Variants in RAD51B observed in about 807,000 individuals in gnomAD.
RAD51B encodes the protein RAD51 paralog B.
In RAD51B, 38 loss-of-function variants were observed where a neutral mutation model predicts 42.2. The observed-to-expected ratio is 0.90, with a 90% confidence interval of 0.70 to 1.18. The LOEUF (loss-of-function observed/expected upper bound fraction) is 1.18. Among genes scored for constraint, RAD51B ranks in the 50% most tolerant of loss-of-function variants. The pLI is 0.00. For missense variants in RAD51B, 373 were observed against 400.7 expected (o/e 0.93, Z 0.59); for synonymous variants, 154 against 145.2 (o/e 1.06, Z -0.43).
At chr14:68,137,261 TG>T (rs1457447639) in intron 7 of RAD51B, among the ~76,000 whole-genome samples, 2 of 152,168 alleles carry the variant, frequency 1.3e-5, no homozygotes, top group African/African-American at 4.8e-5. Context: ...GAAGGAAAAC[TG>T]GACCTAAGGA....
At chr14:67,893,479 C>T (rs918279999) in intron 7 of RAD51B, among the ~76,000 whole-genome samples, 1 of 62,312 alleles carries the variant, frequency 1.6e-5, no homozygotes, top group Non-Finnish European at 3.3e-5. Flanking sequence ...CACACACACA[C>T]ACACACACAC....
chr14:67,874,083 TATA>T (rs1247250467), intron 5 of RAD51B, among the ~76,000 whole-genome samples: 1 of 151,568 alleles, frequency 6.6e-6, no homozygotes, highest in Non-Finnish European at 1.5e-5. Context: ...AAACTTAAAG[TATA>T]ATAATAATAA....
chr14:68,140,640 C>T (rs1222036114), intron 7 of RAD51B, among the ~76,000 whole-genome samples: 1 of 152,210 alleles, frequency 6.6e-6, no homozygotes, highest in Non-Finnish European at 1.5e-5. Flanking sequence ...GCCAAATTCA[C>T]GTCACTTTCA....
chr14:68,419,355 G>C (rs1594808638), intron 9 of RAD51B, among the ~76,000 whole-genome samples: 1 of 151,760 alleles, frequency 6.6e-6, no homozygotes, highest in Non-Finnish European at 1.5e-5. Flanking sequence ...TCAAATTATT[G>C]GGTTTGCAGG....
chr14:68,398,875 C>T (rs1001457516), intron 8 of RAD51B, among the ~76,000 whole-genome samples: 3 of 152,150 alleles, frequency 2.0e-5, no homozygotes, highest in Non-Finnish European at 2.9e-5. Flanking sequence ...GCAGGCAAAA[C>T]AGCAAATGCC....
chr14:68,179,686 T>C (rs2079023292), intron 7 of RAD51B, among the ~76,000 whole-genome samples: 1 of 152,320 alleles, frequency 6.6e-6, no homozygotes, highest in Non-Finnish European at 1.5e-5. Flanking sequence ...AGAACATCTC[T>C]AGTAATAACA....
chr14:68,305,996 T>C (rs962984611), intron 8 of RAD51B, among the ~76,000 whole-genome samples: 3 of 152,206 alleles, frequency 2.0e-5, no homozygotes, highest in African/African-American at 7.2e-5. Context: ...CACATCCTAG[T>C]GGAAGGGCCG....
At chr14:68,095,448 T>C (rs2077175333) in intron 7 of RAD51B, among the ~76,000 whole-genome samples, 1 of 152,158 alleles carries the variant, frequency 6.6e-6, no homozygotes, top group African/African-American at 2.4e-5. Context: ...TCTTCCTCCA[T>C]GGTATTTATG....
intron 10 of RAD51B, among the ~76,000 whole-genome samples, chr14:68,587,039 T>A (rs1890520688): frequency 1.3e-5 from 2 of 149,400 alleles, no homozygotes; most frequent in African/African-American, 5.1e-5. Context: ...AAAAAAAAAA[T>A]TGGCTCCTTC....
intron 3 of RAD51B, among the ~76,000 whole-genome samples, chr14:67,832,331 C>T (rs1005125011): frequency 6.6e-6 from 1 of 152,124 alleles, no homozygotes; most frequent in African/African-American, 2.4e-5. Flanking sequence ...GTGAAAAAAG[C>T]AGGCTACAAA....
chr14:68,087,864 ATAATATATTATT>A (rs2077011213), intron 7 of RAD51B, among the ~76,000 whole-genome samples: 2 of 79,410 alleles, frequency 2.5e-5, no homozygotes, highest in African/African-American at 7.7e-5. Context: ...ATATAATTAT[ATAATATATTATT>A]TATATAATTA....
intron 8 of RAD51B, among the ~76,000 whole-genome samples, chr14:68,369,025 C>A (rs77946958): frequency 0.013 from 1,945 of 152,112 alleles, 44 homozygotes; most frequent in African/African-American, 0.045. Context: ...ATAGCAACCA[C>A]AAAAAAACTA....
chr14:68,603,271 G>A (rs548053693), intron 10 of RAD51B, among the ~76,000 whole-genome samples: 15 of 152,090 alleles, frequency 9.9e-5, no homozygotes, highest in African/African-American at 1.9e-4. Context: ...TTTTTAGGGC[G>A]TCACTTATGA....
chr14:68,343,848 A>G (rs774090508), intron 8 of RAD51B, among the ~76,000 whole-genome samples: 6 of 152,230 alleles, frequency 3.9e-5, no homozygotes, highest in African/African-American at 1.2e-4. Flanking sequence ...CTCCAGCTCA[A>G]AGGGCCCCAA....
At position 68,093,168 on chromosome 14, in the gene RAD51B, T is replaced by G. The variant is rs1017711368; in HGVS notation, c.757-198716T>G. Among the ~76,000 whole-genome samples the G allele has an allele frequency of 8.6e-5, 13 of 151,588 alleles. No homozygotes were observed. The East Asian group carries it at 1.2e-3, about 14-fold the overall frequency. ...ATATTGGTCTAAAATTCTCTTTTTT[T>G]GTTGTGTCTCTGCTAGGCTTTGGTA... is the stretch of plus-strand genomic sequence containing the variant. On this transcript the variant is annotated intron_variant, in intron 7 of 10. Coordinates refer to ENST00000471583, the MANE Select transcript of RAD51B (RefSeq NM_133510.4).
At chr14:68,661,473 T>A (rs7350738) in intron 11 of RAD51B, among the ~76,000 whole-genome samples, 87,752 of 151,964 alleles carry the variant, frequency 0.58, 25,551 homozygotes, top group East Asian at 0.81. Context: ...GGAAATTCAA[T>A]CCCAGATCTG....
At chr14:67,964,354 C>T (rs1450119686) in intron 7 of RAD51B, among the ~76,000 whole-genome samples, 1 of 152,094 alleles carries the variant, frequency 6.6e-6, no homozygotes, top group Non-Finnish European at 1.5e-5. Flanking sequence ...AAAACTAAAA[C>T]TTGACTTGGC....
chr14:68,238,855 G>C (rs1293706326), intron 7 of RAD51B, among the ~76,000 whole-genome samples: 1 of 152,170 alleles, frequency 6.6e-6, no homozygotes, highest in African/African-American at 2.4e-5. Flanking sequence ...GTGTGACCTT[G>C]GGCAAGATGT....
chr14:67,902,575 T>C (rs1447889830), intron 7 of RAD51B, among the ~76,000 whole-genome samples: 1 of 152,354 alleles, frequency 6.6e-6, no homozygotes, highest in African/African-American at 2.4e-5. Flanking sequence ...TTTTATATTA[T>C]TATTTAAAGA....
Sources: gnomAD v4.1 joint callset for allele counts (sites outside exome capture counted in the v4.1 genomes callset) on GRCh38, gnomAD v4.1.1 for gene constraint, MANE v1.5 for transcripts, NCBI Gene and HGNC (gene_info 2026-07-23, HGNC 2026-07-21) for gene names.